The following TBCEL variants were observed in gnomAD, a reference collection of about 807,000 sequenced individuals.
TBCEL encodes tubulin folding cofactor E like.
Under a neutral mutation model 44.2 loss-of-function variants are expected in TBCEL, and 15 were observed. The observed-to-expected ratio is 0.34, with a 90% CI of 0.23 to 0.52. The LOEUF (loss-of-function observed/expected upper bound fraction) is 0.52, where lower values mean the gene tolerates loss of function less well. Ranked by LOEUF, TBCEL falls within the 20% of genes least tolerant of loss-of-function variation. TBCEL has a pLI of 0.95. For synonymous variants in TBCEL, 171 were observed against 185.4 expected (o/e 0.92, Z 0.63); for missense variants, 319 against 506.3 (o/e 0.63, Z 3.55).
chr11:121,084,084 A>G (rs12788247), intron 8 of TBCEL, among the ~76,000 whole-genome samples: 10,500 of 152,234 alleles, frequency 0.069, 437 homozygotes, highest in Middle Eastern at 0.16. Flanking sequence ...AACAGCGTTA[A>G]TCTATTCATG....
At chr11:121,077,502 T>C (rs1946053572) in intron 8 of TBCEL, among the ~76,000 whole-genome samples, 1 of 152,116 alleles carries the variant, frequency 6.6e-6, no homozygotes, top group Non-Finnish European at 1.5e-5. Flanking sequence ...GTGCCAATAT[T>C]GGCATCATCT....
rs151126871 is a variant in TBCEL, at chr11:121,047,425, TCA to T, written c.134-98_134-97del. The T allele has an allele frequency of 1.3e-3, 1,727 of 1,371,406 alleles. 20 individuals carry two copies. In the African/African-American group the frequency reaches 0.022, roughly 17 times the overall value. The allele number at this position is 1,371,406 out of a possible 1,614,324, so 85.0% of individuals were successfully genotyped here. On this transcript the variant is annotated intron_variant, in intron 3 of 8. Transcript: ENST00000683345. The stretch of plus-strand genomic sequence containing the variant: ...GTATTTTCTAGATCCTTATGTAATT[TCA>T]CACAGTTTGATTTTTGTTTCTTGAC...
chr11:121,046,074 C>T (rs1207706440), intron 3 of TBCEL, among the ~76,000 whole-genome samples: 7 of 152,016 alleles, frequency 4.6e-5, no homozygotes, highest in Non-Finnish European at 1.5e-5. Flanking sequence ...AATGCATATT[C>T]TTTTATGGAA....
At chr11:121,035,124 T>C (rs1177820117) in intron 1 of TBCEL, 1 of 152,176 alleles carries the variant, frequency 6.6e-6, no homozygotes, top group Non-Finnish European at 1.5e-5. Flanking sequence ...GTGATGATGG[T>C]AGTAGTAATA....
At chr11:121,055,832 CAG>C (rs1253319878) in intron 6 of TBCEL, among the ~76,000 whole-genome samples, 15 of 151,566 alleles carry the variant, frequency 9.9e-5, no homozygotes, top group Admixed American at 3.9e-4. Context: ...TAAAATTCAA[CAG>C]AGAGTACAGA....
chr11:121,071,340 A>G (rs1362040223), intron 8 of TBCEL, among the ~76,000 whole-genome samples: 1 of 152,140 alleles, frequency 6.6e-6, no homozygotes, highest in African/African-American at 2.4e-5. Context: ...ATCTTTGGGA[A>G]CTCAATGATT....
intron 8 of TBCEL, among the ~76,000 whole-genome samples, chr11:121,064,552 T>C (rs1294301397): frequency 6.6e-6 from 1 of 152,208 alleles, no homozygotes; most frequent in Non-Finnish European, 1.5e-5. Flanking sequence ...TAATTATGCC[T>C]ACTTTCCTAT....
intron 4 of TBCEL, among the ~76,000 whole-genome samples, chr11:121,051,285 GT>G (rs1399009015): frequency 6.6e-6 from 1 of 151,626 alleles, no homozygotes; most frequent in Non-Finnish European, 1.5e-5. Flanking sequence ...CCCAGAAATT[GT>G]TTCAAAACCC....
chr11:121,045,416 A>G (rs1017345023), intron 2 of TBCEL, among the ~76,000 whole-genome samples: 1 of 152,080 alleles, frequency 6.6e-6, no homozygotes, highest in Non-Finnish European at 1.5e-5. Context: ...GGAAGTGATC[A>G]ACTCCTCTTC....
chr11:121,088,676 G>A lies in TBCEL; in HGVS notation c.*1580G>A, dbSNP rs1946251361. On this transcript the variant is annotated 3_prime_UTR_variant, in exon 9 of 9. Transcript: ENST00000683345. ...TTTAATTTTTTTATGAAATTTTTAG[G>A]TGACTTGTAAATTCTTCATGTATGA... The A allele has an allele frequency of 6.6e-6, 1 of 152,024 alleles. No individual in the cohort carries two copies. Among genetic ancestry groups the A allele is most frequent in the African/African-American group, 2.4e-5 (1 of 41,378 alleles). The allele number at this position is 152,024 out of a possible 1,614,324, so 9.4% of individuals were successfully genotyped here.
intron 8 of TBCEL, among the ~76,000 whole-genome samples, chr11:121,064,891 ATC>A (rs1357231890): frequency 6.6e-6 from 1 of 152,008 alleles, no homozygotes; most frequent in Non-Finnish European, 1.5e-5. Flanking sequence ...CAGTGGTGCA[ATC>A]TCGGCTCATT....
chr11:121,066,040 T>G (rs1425564102), intron 8 of TBCEL, among the ~76,000 whole-genome samples: 1 of 152,150 alleles, frequency 6.6e-6, no homozygotes, highest in African/African-American at 2.4e-5. Flanking sequence ...AGGAATTTAG[T>G]AAAAGAATAA....
chr11:121,065,678 T>C (rs1335923945), intron 8 of TBCEL, among the ~76,000 whole-genome samples: 7 of 152,240 alleles, frequency 4.6e-5, no homozygotes, highest in African/African-American at 1.7e-4. Flanking sequence ...ACATTTTCTG[T>C]ATTTAAGCTA....
chr11:121,054,371 C>T (rs1370182428), intron 5 of TBCEL, among the ~76,000 whole-genome samples: 1 of 151,828 alleles, frequency 6.6e-6, no homozygotes, highest in African/African-American at 2.4e-5. Flanking sequence ...CTTAATTTCA[C>T]ACTCTAACTC....
chr11:121,070,710 C>T (rs1175934559), intron 8 of TBCEL, among the ~76,000 whole-genome samples: 8 of 87,094 alleles, frequency 9.2e-5, no homozygotes, highest in Admixed American at 2.9e-4. Context: ...TTGTGGGATT[C>T]GGGGAGGGGG....
chr11:121,055,945 G>A (rs755313670), intron 6 of TBCEL, among the ~76,000 whole-genome samples: 117 of 151,464 alleles, frequency 7.7e-4, no homozygotes, highest in Non-Finnish European at 1.5e-3. Context: ...TGGTACAAAT[G>A]GTACATTTGT....
chr11:121,066,348 G>T (rs1379224322), intron 8 of TBCEL, among the ~76,000 whole-genome samples: 3 of 152,190 alleles, frequency 2.0e-5, no homozygotes, highest in African/African-American at 7.2e-5. Context: ...GCTTATATCA[G>T]CTTCCCATGT....
At chr11:121,031,515 C>G (rs1945142761) in intron 1 of TBCEL, among the ~76,000 whole-genome samples, 1 of 151,822 alleles carries the variant, frequency 6.6e-6, no homozygotes, top group Non-Finnish European at 1.5e-5. Flanking sequence ...TGTCCATTTT[C>G]CTATTAGGTT....
At chr11:121,078,621 T>C (rs988718716) in intron 8 of TBCEL, among the ~76,000 whole-genome samples, 1 of 152,158 alleles carries the variant, frequency 6.6e-6, no homozygotes. Context: ...TCATCCTCAT[T>C]TCATGCACAG....
Sources: gnomAD v4.1 joint callset for allele counts (sites outside exome capture counted in the v4.1 genomes callset) on GRCh38, gnomAD v4.1.1 for gene constraint, MANE v1.5 for transcripts, NCBI Gene and HGNC (gene_info 2026-07-23, HGNC 2026-07-21) for gene names.